The following MYH10 variants were observed in gnomAD, a reference collection of about 807,000 sequenced individuals.
The protein encoded by MYH10 is myosin heavy chain 10.
MYH10 carries 55 observed loss-of-function variants against 257.8 expected under a neutral mutation model. The ratio of observed to expected loss-of-function variants is 0.21; its 90% CI spans 0.17 to 0.27. The LOEUF is 0.27. MYH10 is among the 10% of genes least tolerant of loss of function. The pLI, the probability that MYH10 is intolerant of heterozygous loss-of-function variation, is 1.00. For missense variants in MYH10, 1,631 were observed against 2,500.6 expected, an observed-to-expected ratio of 0.65 and a Z score of 7.42; for synonymous variants, 854 against 921.7, an observed-to-expected ratio of 0.93 and a Z score of 1.33.
rs755593607 is a variant in MYH10, at chr17:8,506,882, C to CT, written c.3215-394_3215-393insA. 6.6e-6 allele frequency among the ~76,000 whole-genome samples: 1 copy of CT among 152,196 alleles called. No homozygotes were observed. Among genetic ancestry groups the CT allele is most frequent in the Non-Finnish European group, 1.5e-5 (1 of 68,026 alleles). On this transcript the variant is annotated intron_variant, in intron 26 of 42. Coordinates refer to ENST00000360416, the MANE Select transcript of MYH10 (RefSeq NM_001256012.3). The surrounding 1 kb of genome is among the most constrained non-coding windows in gnomAD (Gnocchi z 5.0). ...CTGCCTGTCACCCCATTCCCTTTTC[C>CT]ATGGGAACCCCTGTTCTGAACCAAG... is the stretch of plus-strand genomic sequence containing the variant.
chr17:8,477,186 T>A lies in MYH10; in HGVS notation c.5707-138A>T. The A allele has an allele frequency of 2.2e-6, 2 of 912,418 alleles. No individual in the cohort carries two copies. The highest frequency in any genetic ancestry group is 1.7e-5 in the African/African-American group (1 of 60,380). 56.5% of individuals were successfully genotyped at this position (912,418 alleles called of 1,614,324 possible). ...GTGTACACGGATGTACACGCGTGCC[T>A]GGGGGCTGGTCGGAGGCTCTGTAAC... On this transcript the variant is annotated intron_variant, in intron 41 of 42. Transcript: ENST00000360416. The surrounding 1 kb of genome is among the most constrained non-coding windows in gnomAD (Gnocchi z 4.2).
chr17:8,478,003 G>A (rs1035805814), intron 41 of MYH10, among the ~76,000 whole-genome samples: 2 of 152,156 alleles, frequency 1.3e-5, no homozygotes, highest in South Asian at 4.1e-4. Flanking sequence ...TCTCATGACT[G>A]CCAGCAATAT....
At chr17:8,602,902 G>A (rs1277372581) in intron 3 of MYH10, among the ~76,000 whole-genome samples, 1 of 152,152 alleles carries the variant, frequency 6.6e-6, no homozygotes, top group African/African-American at 2.4e-5. Context: ...TTGACACACA[G>A]TAATTTTCAA....
intron 2 of MYH10, among the ~76,000 whole-genome samples, chr17:8,610,487 A>C (rs2084996105): frequency 6.6e-6 from 1 of 152,090 alleles, no homozygotes; most frequent in Admixed American, 6.5e-5. Context: ...AAAGAGATTA[A>C]AAGTGATATA....
intron 26 of MYH10, among the ~76,000 whole-genome samples, chr17:8,507,769 T>A (rs2081120321): frequency 6.6e-6 from 1 of 152,118 alleles, no homozygotes; most frequent in African/African-American, 2.4e-5. Flanking sequence ...GTCAGGAGTT[T>A]GAGACCAGCC....
chr17:8,604,706 C>G lies in MYH10; in HGVS notation c.502+120G>C, dbSNP rs889561658. 4 of 731,406 alleles carry G rather than the reference C, an allele frequency of 5.5e-6. No individual in the cohort carries two copies. In the African/African-American group the frequency reaches 7.4e-5, roughly 13 times the overall value. 45.3% of individuals were successfully genotyped at this position (731,406 alleles called of 1,614,324 possible). A position where few individuals can be genotyped will look rare whatever the true frequency, so the allele number is the denominator to read the frequency against. On this transcript the variant is annotated intron_variant, in intron 3 of 42. Transcript: ENST00000360416. ...CTCAATTTTTCTACAATAAACATTA[C>G]TTTTTTATTAATTTTAAAAAAATAA...
At chr17:8,562,988 T>G (rs1396514637) in intron 7 of MYH10, among the ~76,000 whole-genome samples, 1 of 152,256 alleles carries the variant, frequency 6.6e-6, no homozygotes, top group Non-Finnish European at 1.5e-5. Flanking sequence ...GATTAGTTAT[T>G]AGTTAGCAAC....
intron 1 of MYH10, among the ~76,000 whole-genome samples, chr17:8,626,096 C>T (rs988633911): frequency 6.6e-6 from 1 of 152,190 alleles, no homozygotes; most frequent in Admixed American, 6.5e-5. Context: ...ATTGCTAACA[C>T]ATTTTATACC....
chr17:8,582,855 T>C (rs2083760638), intron 4 of MYH10, among the ~76,000 whole-genome samples: 2 of 152,268 alleles, frequency 1.3e-5, no homozygotes, highest in African/African-American at 4.8e-5. Context: ...ATTGGTATTT[T>C]ATTTTGTCTG....
chr17:8,614,906 T>C (rs562038577), intron 2 of MYH10, among the ~76,000 whole-genome samples: 2 of 152,258 alleles, frequency 1.3e-5, no homozygotes, highest in African/African-American at 4.8e-5. Flanking sequence ...TGACTATTAA[T>C]CCTACAGAAA....
intron 14 of MYH10, among the ~76,000 whole-genome samples, chr17:8,539,450 A>C (rs2082233737): frequency 6.6e-6 from 1 of 152,066 alleles, no homozygotes; most frequent in East Asian, 1.9e-4. Context: ...CCCAGGAACC[A>C]ATGAGCTCAC....
At chr17:8,611,253 A>C (rs538408816) in intron 2 of MYH10, among the ~76,000 whole-genome samples, 36 of 152,164 alleles carry the variant, frequency 2.4e-4, no homozygotes, top group African/African-American at 8.4e-4. Flanking sequence ...ACAGAAGTCA[A>C]CTCCTGCATG....
chr17:8,538,362 C>T (rs775623082), intron 14 of MYH10, among the ~76,000 whole-genome samples: 16 of 152,228 alleles, frequency 1.1e-4, no homozygotes, highest in African/African-American at 2.6e-4. Flanking sequence ...ACCGCCACGA[C>T]GCCTGGCTAA....
chr17:8,617,585 C>T (rs756005166), intron 2 of MYH10, among the ~76,000 whole-genome samples: 3 of 152,136 alleles, frequency 2.0e-5, no homozygotes, highest in Non-Finnish European at 4.4e-5. Context: ...TACAGATATG[C>T]ATATCCTATC....
intron 40 of MYH10, among the ~76,000 whole-genome samples, chr17:8,478,735 CTTTG>C (rs754053077): frequency 3.8e-4 from 58 of 152,164 alleles, no homozygotes; most frequent in Non-Finnish European, 5.1e-4. Flanking sequence ...AGTTATCTTA[CTTTG>C]TTTGTTTTTG....
intron 7 of MYH10, among the ~76,000 whole-genome samples, chr17:8,555,380 C>T (rs1008226731): frequency 8.5e-5 from 13 of 152,232 alleles, no homozygotes; most frequent in Middle Eastern, 3.4e-3. Flanking sequence ...AATCACACTA[C>T]TTGATTTCAA....
At chr17:8,556,635 C>T (rs894231983) in intron 7 of MYH10, among the ~76,000 whole-genome samples, 2 of 152,196 alleles carry the variant, frequency 1.3e-5, no homozygotes, top group African/African-American at 2.4e-5. Flanking sequence ...ACTGACAACA[C>T]AAAGGCAAAA....
At chr17:8,549,145 T>C (rs1328574871) in intron 9 of MYH10, among the ~76,000 whole-genome samples, 1 of 152,224 alleles carries the variant, frequency 6.6e-6, no homozygotes, top group Non-Finnish European at 1.5e-5. Context: ...CCCTCTTTTT[T>C]GAAGGAAAGC....
At chr17:8,496,407 A>T (rs1056690989) in intron 30 of MYH10, among the ~76,000 whole-genome samples, 4 of 152,214 alleles carry the variant, frequency 2.6e-5, no homozygotes, top group South Asian at 2.1e-4. Context: ...CAAAGTCAAG[A>T]GGGACTCCTG....
Sources: gnomAD v4.1 joint callset for allele counts (sites outside exome capture counted in the v4.1 genomes callset) on GRCh38, gnomAD v4.1.1 for gene constraint, Gnocchi (gnomAD v3.1) non-coding constraint, MANE v1.5 for transcripts, NCBI Gene and HGNC (gene_info 2026-07-23, HGNC 2026-07-21) for gene names.